SPATA7: variants seen among roughly 807,000 people sequenced by gnomAD.
The protein encoded by SPATA7 is spermatogenesis-associated protein 7.
In SPATA7, 43 loss-of-function variants were observed where a neutral mutation model predicts 51.8. The ratio of observed to expected loss-of-function variants is 0.83; its 90% CI spans 0.65 to 1.07. The LOEUF is 1.07. Ranked by LOEUF, SPATA7 falls within the 50% of genes least tolerant of loss-of-function variation. SPATA7 has a pLI of 0.00. For synonymous variants in SPATA7, 230 were observed against 252.8 expected, an observed-to-expected ratio of 0.91 and a Z score of 0.86; for missense variants, 683 against 701.3, an observed-to-expected ratio of 0.97 and a Z score of 0.30.
At chr14:88,415,938 A>G (rs2076463272) in intron 4 of SPATA7, 1 of 152,262 alleles carries the variant, frequency 6.6e-6, no homozygotes, top group Non-Finnish European at 1.5e-5. Context: ...TGTCCTTGTG[A>G]TAGTGAGTGG....
At chr14:88,399,742 T>C (rs1202788648) in intron 4 of SPATA7, among the ~76,000 whole-genome samples, 1 of 152,154 alleles carries the variant, frequency 6.6e-6, no homozygotes, top group African/African-American at 2.4e-5. Flanking sequence ...CTAGAGACAA[T>C]GACAGCCATT....
intron 1 of SPATA7, among the ~76,000 whole-genome samples, chr14:88,387,142 A>G (rs918156382): frequency 6.6e-6 from 1 of 152,236 alleles, no homozygotes; most frequent in African/African-American, 2.4e-5. Flanking sequence ...CAGGATTTGA[A>G]TCTAGGTGAA....
chr14:88,464,614 C>A (rs1460807042), intron 4 of SPATA7, among the ~76,000 whole-genome samples: 1 of 152,110 alleles, frequency 6.6e-6, no homozygotes, highest in East Asian at 1.9e-4. Context: ...TCTGTAATCC[C>A]AGCTACTTGG....
chr14:88,430,134 C>T (rs1460495176), intron 8 of SPATA7, among the ~76,000 whole-genome samples: 7 of 151,732 alleles, frequency 4.6e-5, no homozygotes, highest in African/African-American at 7.3e-5. Flanking sequence ...TATGAAATGC[C>T]GGTGGAAGGG....
chr14:88,459,980 A>G (rs376360058), downstream of SPATA7, among the ~76,000 whole-genome samples: 2 of 152,174 alleles, frequency 1.3e-5, no homozygotes, highest in Admixed American at 6.5e-5. Context: ...ATGAAGCTTA[A>G]TTTGGCTGGA....
At chr14:88,425,649 G>T (rs1417608605) in intron 5 of SPATA7, among the ~76,000 whole-genome samples, 1 of 151,832 alleles carries the variant, frequency 6.6e-6, no homozygotes, top group Non-Finnish European at 1.5e-5. Flanking sequence ...CCTTTTCATA[G>T]TATTACCCCC....
At chr14:88,432,187 T>C (rs924792560) in intron 9 of SPATA7, among the ~76,000 whole-genome samples, 11 of 152,136 alleles carry the variant, frequency 7.2e-5, no homozygotes, top group Non-Finnish European at 1.6e-4. Flanking sequence ...TTTGCAGATA[T>C]TTTATTTGTA....
rs1248912526 is a variant in SPATA7 at position 88,398,605 on chromosome 14, T to C, written c.238+2402T>C. Among the ~76,000 whole-genome samples, 4 of 148,586 alleles carry C rather than the reference T, an allele frequency of 2.7e-5. No homozygotes were observed. The East Asian group carries it at 8.0e-4, about 30-fold the overall frequency. ...GTAACTAACCTGCACAATGTGCACA[T>C]GTACCCTAAAACTTAAAGTATAATA... On this transcript the variant is annotated intron_variant, in intron 4 of 11. Transcript: ENST00000393545.
At chr14:88,387,738 G>C (rs2075621651) in intron 1 of SPATA7, among the ~76,000 whole-genome samples, 1 of 152,160 alleles carries the variant, frequency 6.6e-6, no homozygotes, top group African/African-American at 2.4e-5. Flanking sequence ...TCTTCAGCAT[G>C]TCACTGTACG....
intron 4 of SPATA7, among the ~76,000 whole-genome samples, chr14:88,401,628 G>C (rs1465148406): frequency 2.0e-5 from 3 of 151,956 alleles, no homozygotes; most frequent in Admixed American, 6.6e-5. Flanking sequence ...TTGAGGCCAG[G>C]AGTGGCCAGC....
chr14:88,404,455 G>T (rs1008024949), intron 4 of SPATA7, among the ~76,000 whole-genome samples: 1 of 152,096 alleles, frequency 6.6e-6, no homozygotes, highest in Non-Finnish European at 1.5e-5. Flanking sequence ...TGTGGCTCAC[G>T]CCTGTAATCC....
At chr14:88,466,308 G>A (rs1001107580) in intron 4 of SPATA7, 1 of 152,012 alleles carries the variant, frequency 6.6e-6, no homozygotes, top group African/African-American at 2.4e-5. Flanking sequence ...GTTCCTACAT[G>A]AGAAGTGTGC....
intron 2 of SPATA7, among the ~76,000 whole-genome samples, chr14:88,392,339 T>C (rs1268222201): frequency 6.6e-6 from 1 of 152,194 alleles, no homozygotes; most frequent in Non-Finnish European, 1.5e-5. Flanking sequence ...TGGTTTTAAG[T>C]ATGAGGCTGC....
At position 88,460,355 on chromosome 14, in the gene SPATA7, A is replaced by G. The variant is rs547487038; in HGVS notation, c.255-9492A>G. 1.2e-3 allele frequency among the ~76,000 whole-genome samples: 184 copies of G among 152,124 alleles called. 1 individual carries two copies. Among genetic ancestry groups the G allele is most frequent in the African/African-American group, 4.0e-3 (164 of 41,440 alleles). On this transcript the variant is annotated intron_variant, in intron 4 of 4. Coordinates refer to the SPATA7 transcript ENST00000556406. Reference sequence around the variant, plus strand: ...TCACTTTCAGGTACACCAATCAGACATAAATTTGGTCTTTTCACATAGTCC... The same window carrying G: ...TCACTTTCAGGTACACCAATCAGACGTAAATTTGGTCTTTTCACATAGTCC...
chr14:88,398,227 C>G (rs1254096047), intron 4 of SPATA7, among the ~76,000 whole-genome samples: 1 of 151,722 alleles, frequency 6.6e-6, no homozygotes, highest in African/African-American at 2.4e-5. Flanking sequence ...TTGGAACCAA[C>G]CCAAATGTCC....
intron 10 of SPATA7, 72 bp from the exon 11 acceptor site, chr14:88,437,462 AGTTTCAGTG>A: frequency 1.1e-6 from 1 of 945,216 alleles, no homozygotes; most frequent in Admixed American, 1.9e-5. Flanking sequence ...CAACCTTTGT[AGTTTCAGTG>A]TTACGTAGCT....
intron 2 of SPATA7, among the ~76,000 whole-genome samples, chr14:88,392,535 G>A (rs2075771655): frequency 6.6e-6 from 1 of 152,088 alleles, no homozygotes; most frequent in Non-Finnish European, 1.5e-5. Flanking sequence ...TTTTAGTAGT[G>A]GCATCAAGCT....
At chr14:88,392,977 T>A (rs1251577317) in intron 2 of SPATA7, among the ~76,000 whole-genome samples, 1 of 152,148 alleles carries the variant, frequency 6.6e-6, no homozygotes, top group African/African-American at 2.4e-5. Context: ...TGGAATATAA[T>A]TTTTGTATGT....
intron 7 of SPATA7, 85 bp downstream of exon 7, chr14:88,427,781 T>C (rs2076837289): frequency 1.0e-6 from 1 of 991,796 alleles, no homozygotes; most frequent in Non-Finnish European, 1.6e-6. Flanking sequence ...CTATTTAGAC[T>C]GTGAAGAATA....
Sources: gnomAD v4.1 joint callset for allele counts (sites outside exome capture counted in the v4.1 genomes callset) on GRCh38, gnomAD v4.1.1 for gene constraint, MANE v1.5 for transcripts, NCBI Gene and HGNC (gene_info 2026-07-23, HGNC 2026-07-21) for gene names.